TUSC3: variants seen among roughly 807,000 people sequenced by gnomAD.
TUSC3 encodes dolichyl-diphosphooligosaccharide--protein glycosyltransferase subunit TUSC3.
Under a neutral mutation model 44.8 loss-of-function variants are expected in TUSC3, and 45 were observed. That is an observed-to-expected ratio of 1.00 (90% CI 0.79 to 1.29). TUSC3 has a LOEUF of 1.29. TUSC3 is among the 50% of genes most tolerant of loss of function. TUSC3 has a pLI of 0.00. For missense variants in TUSC3, 519 were observed against 437.9 expected (o/e 1.19, Z -1.65); for synonymous variants, 212 against 152.9 (o/e 1.39, Z -2.85).
the TUSC3 span, among the ~76,000 whole-genome samples, chr8:15,772,146 G>T: frequency 2.0e-5 from 3 of 151,812 alleles, no homozygotes; most frequent in East Asian, 5.8e-4. Context: ...ACACTTTAAA[G>T]AATTGGAAAA....
rs17121477 is a variant in TUSC3, at chr8:15,465,221, G to C, written n.92-18165G>C. On this transcript the variant is annotated intron_variant and non_coding_transcript_variant, in intron 1 of 5. Transcript: ENST00000503191. ...CCATTGCCAAATGTATCATTATTTT[G>C]TGTAACTCTCTAAAAGCAAAAATGC... is the stretch of plus-strand genomic sequence containing the variant. Among the ~76,000 whole-genome samples, 276 of 152,238 alleles carry C rather than the reference G, an allele frequency of 1.8e-3. 1 individual carries two copies. Among genetic ancestry groups the C allele is most frequent in the African/African-American group, 5.9e-3 (244 of 41,550 alleles).
intron 2 of TUSC3, among the ~76,000 whole-genome samples, chr8:15,632,479 C>A (rs1416550096): frequency 1.3e-5 from 2 of 152,158 alleles, no homozygotes; most frequent in East Asian, 1.9e-4. Flanking sequence ...GTTGTCAGAT[C>A]TCTCCATTGT....
In TUSC3 at chr8:15,764,450, G is replaced by T; in HGVS notation, c.*294G>T. 2.2e-6 allele frequency: 1 copy of T among 462,094 alleles called. No individual in the cohort carries two copies. Among genetic ancestry groups the T allele is most frequent in the South Asian group, 2.5e-5 (1 of 40,044 alleles). 28.6% of individuals were successfully genotyped at this position (462,094 alleles called of 1,614,324 possible). ...TTCAAGCCTGTTATATTCAGTGTGT[G>T]CCACAGGATTGAAATAAATGACAAT... On this transcript the variant is annotated 3_prime_UTR_variant, in exon 11 of 11. Transcript: ENST00000503731.
intron 5 of TUSC3, among the ~76,000 whole-genome samples, chr8:15,665,790 C>G (rs181065882): frequency 2.6e-5 from 4 of 151,224 alleles, no homozygotes; most frequent in Admixed American, 2.0e-4. Context: ...TAAAAAAGAG[C>G]TAAAGATATT....
intron 2 of TUSC3, among the ~76,000 whole-genome samples, chr8:15,515,653 T>A (rs1179419927): frequency 1.3e-5 from 2 of 151,758 alleles, no homozygotes. Flanking sequence ...TGATACAAAA[T>A]ATATATATAT....
chr8:15,676,361 C>A (rs1354739295), intron 6 of TUSC3, among the ~76,000 whole-genome samples: 1 of 152,046 alleles, frequency 6.6e-6, no homozygotes, highest in African/African-American at 2.4e-5. Flanking sequence ...CTTATAGATT[C>A]TGGATATTAG....
intron 2 of TUSC3, among the ~76,000 whole-genome samples, chr8:15,523,680 G>GTATATA (rs1563273640): frequency 1.9e-4 from 7 of 37,690 alleles, no homozygotes; most frequent in African/African-American, 5.7e-4. Context: ...GTGTGTGTGT[G>GTATATA]TGTGTGTGTG....
intron 1 of TUSC3, among the ~76,000 whole-genome samples, chr8:15,567,779 G>A (rs530613262): frequency 6.6e-4 from 100 of 152,264 alleles, no homozygotes; most frequent in African/African-American, 2.3e-3. Flanking sequence ...ACAAAATTTT[G>A]TGGTTATTGT....
intron 6 of TUSC3, among the ~76,000 whole-genome samples, chr8:15,696,508 G>A (rs888356382): frequency 6.6e-6 from 1 of 152,136 alleles, no homozygotes; most frequent in Non-Finnish European, 1.5e-5. Flanking sequence ...CGCTCACACA[G>A]AGTCCCTGCT....
chr8:15,556,866 G>T (rs550983855), intron 1 of TUSC3, among the ~76,000 whole-genome samples: 3 of 139,580 alleles, frequency 2.1e-5, no homozygotes, highest in Non-Finnish European at 4.7e-5. Context: ...TTTTTTTCTT[G>T]TAAATTTGTT....
chr8:15,614,015 AT>A (rs35240351), intron 1 of TUSC3, among the ~76,000 whole-genome samples: 1,381 of 105,558 alleles, frequency 0.013, 19 homozygotes, highest in African/African-American at 0.039. Context: ...GTGTTTTGTT[AT>A]TTTTTTTTTT....
intron 6 of TUSC3, among the ~76,000 whole-genome samples, chr8:15,708,589 G>A (rs1325155445): frequency 6.6e-6 from 1 of 151,880 alleles, no homozygotes; most frequent in African/African-American, 2.4e-5. Flanking sequence ...AGAATGCTTT[G>A]GGAGGCAAGT....
At chr8:15,470,741 C>T (rs1261359844) in intron 1 of TUSC3, among the ~76,000 whole-genome samples, 2 of 152,168 alleles carry the variant, frequency 1.3e-5, no homozygotes, top group African/African-American at 4.8e-5. Flanking sequence ...TTGGCATTTT[C>T]TCCCACTGTC....
chr8:15,620,044 A>G (rs62506264), intron 1 of TUSC3, among the ~76,000 whole-genome samples: 29,966 of 152,142 alleles, frequency 0.2, 2,929 homozygotes, highest in South Asian at 0.27. Context: ...CCTGGGTAAC[A>G]GAGGGAGACT....
chr8:15,841,836 T>G, the TUSC3 span, among the ~76,000 whole-genome samples: 87 of 152,304 alleles, frequency 5.7e-4, no homozygotes, highest in East Asian at 0.01. Flanking sequence ...TTGTTTAATG[T>G]GTAACTACAA....
chr8:15,717,186 A>G (rs1810091436), intron 6 of TUSC3, among the ~76,000 whole-genome samples: 1 of 152,148 alleles, frequency 6.6e-6, no homozygotes, highest in Non-Finnish European at 1.5e-5. Context: ...TTTAATAGCA[A>G]TAAATATTAT....
chr8:15,612,243 G>A (rs1168723435), intron 1 of TUSC3, among the ~76,000 whole-genome samples: 1 of 152,236 alleles, frequency 6.6e-6, no homozygotes, highest in African/African-American at 2.4e-5. Context: ...CACGTGAATA[G>A]CTGCCCCCCT....
At chr8:15,523,639 CATATATATAT>C (rs151223991) in intron 2 of TUSC3, among the ~76,000 whole-genome samples, 2,332 of 63,238 alleles carry the variant, frequency 0.037, 50 homozygotes, top group East Asian at 0.13. Flanking sequence ...CCTTTAAAAA[CATATATATAT>C]ATATATATAT....
At chr8:15,751,391 T>C (rs549132689) in intron 9 of TUSC3, among the ~76,000 whole-genome samples, 1 of 152,326 alleles carries the variant, frequency 6.6e-6, no homozygotes, top group African/African-American at 2.4e-5. Context: ...TCCACTATTA[T>C]TACTGAGTAA....
Sources: gnomAD v4.1 joint callset for allele counts (sites outside exome capture counted in the v4.1 genomes callset) on GRCh38, gnomAD v4.1.1 for gene constraint, MANE v1.5 for transcripts, NCBI Gene and HGNC (gene_info 2026-07-23, HGNC 2026-07-21) for gene names.